Variants in SEPTIN11 observed in about 807,000 individuals in gnomAD.
The protein encoded by SEPTIN11 is septin-11.
SEPTIN11 carries 25 observed loss-of-function variants against 51.4 expected under a neutral mutation model. That is an observed-to-expected ratio of 0.49 (90% confidence interval 0.35 to 0.68). The LOEUF (loss-of-function observed/expected upper bound fraction) is 0.68, where lower values mean the gene tolerates loss of function less well. Among genes scored for constraint, SEPTIN11 ranks in the 30% least tolerant of loss-of-function variants. The probability of loss-of-function intolerance (pLI) is 0.00; values close to 1 mark genes in which losing one functional copy is unlikely to be tolerated. For synonymous variants in SEPTIN11, 174 were observed against 184.1 expected (o/e 0.95, Z 0.44); for missense variants, 381 against 520.8 (o/e 0.73, Z 2.61).
Position 77,035,021 on chromosome 4 carries a change from G to A in SEPTIN11, c.*509G>A, listed in dbSNP as rs1726937073. ...GGTAGATTTGTACGTAGACAGACTG[G>A]TGAGCAAGCATTATATTTTATTTTT... On this transcript the variant is annotated 3_prime_UTR_variant, in exon 10 of 10. Transcript: ENST00000264893. 2 of 985,776 alleles carry A rather than the reference G, an allele frequency of 2.0e-6. No homozygotes were observed. The highest frequency in any genetic ancestry group is 2.4e-6 in the Non-Finnish European group (2 of 830,086). The allele number at this position is 985,776 out of a possible 1,614,324, so 61.1% of individuals were successfully genotyped here.
rs1720689950 is a variant in SEPTIN11, at chr4:77,037,917, T to C, written c.*3405T>C. ...GACTCACCAGCAGTAACACACACAA[T>C]CCACATCTTGTGCACCTCAAATGAA... On this transcript the variant is annotated 3_prime_UTR_variant, in exon 10 of 10. Coordinates refer to ENST00000264893, the MANE Select transcript of SEPTIN11 (RefSeq NM_018243.4). 4 of 985,792 alleles carry C rather than the reference T, an allele frequency of 4.1e-6. No individual in the cohort carries two copies. The highest frequency in any genetic ancestry group is 4.8e-6 in the Non-Finnish European group (4 of 829,956). 61.1% of individuals were successfully genotyped at this position (985,792 alleles called of 1,614,324 possible). A position where few individuals can be genotyped will look rare whatever the true frequency, so the allele number is the denominator to read the frequency against.
chr4:77,011,672 T>C, intron 3 of SEPTIN11, 63 bp from the exon 4 acceptor site: 1 of 1,488,382 alleles, frequency 6.7e-7, no homozygotes, highest in Non-Finnish European at 9.3e-7. Flanking sequence ...ATTGTGATGT[T>C]GAATGGAGGA....
intron 1 of SEPTIN11, among the ~76,000 whole-genome samples, chr4:76,994,167 T>G (rs1406298636): frequency 6.6e-6 from 1 of 152,146 alleles, no homozygotes; most frequent in Non-Finnish European, 1.5e-5. Flanking sequence ...ACGGTTGAAG[T>G]CAGTGATGTA....
chr4:76,990,104 G>T (rs1383625127), intron 1 of SEPTIN11, among the ~76,000 whole-genome samples: 1 of 152,088 alleles, frequency 6.6e-6, no homozygotes, highest in East Asian at 1.9e-4. Context: ...TCCCTTATTT[G>T]TCCCTGCCAT....
At chr4:77,020,280 A>C (rs1045445306) in intron 6 of SEPTIN11, among the ~76,000 whole-genome samples, 1 of 152,204 alleles carries the variant, frequency 6.6e-6, no homozygotes, top group Non-Finnish European at 1.5e-5. Context: ...TGTGCTGAGT[A>C]GGCACTCAGC....
intron 7 of SEPTIN11, among the ~76,000 whole-genome samples, chr4:77,025,485 T>C (rs545118981): frequency 2.6e-5 from 4 of 151,620 alleles, no homozygotes; most frequent in Non-Finnish European, 5.9e-5. Context: ...TTCGAGCGTA[T>C]GGTGAGCTAT....
chr4:76,999,188 G>T (rs949457876), intron 2 of SEPTIN11, among the ~76,000 whole-genome samples: 1 of 152,144 alleles, frequency 6.6e-6, no homozygotes, highest in Non-Finnish European at 1.5e-5. Context: ...TGGGGCCAGC[G>T]TGAGCTCTTT....
rs1727111608 is a variant in SEPTIN11, at chr4:77,037,452, G to A, written c.*2940G>A. The A allele has an allele frequency of 2.0e-6, 2 of 985,312 alleles. No individual in the cohort carries two copies. The highest frequency in any genetic ancestry group is 4.7e-5 in the South Asian group (1 of 21,286). 61.0% of individuals were successfully genotyped at this position (985,312 alleles called of 1,614,324 possible). A position where few individuals can be genotyped will look rare whatever the true frequency, so the allele number is the denominator to read the frequency against. ...TCAGAGGGCCCTTGATTCTGGCAAGGCAAATAAAGCCAGAATGAGAAATTA... is the reference window on the plus strand; with the variant it reads ...TCAGAGGGCCCTTGATTCTGGCAAGACAAATAAAGCCAGAATGAGAAATTA... On this transcript the variant is annotated 3_prime_UTR_variant, in exon 10 of 10. Transcript: ENST00000264893.
At position 77,037,599 on chromosome 4, in the gene SEPTIN11, C is replaced by G. The variant is rs1317989858; in HGVS notation, c.*3087C>G. The G allele has an allele frequency of 1.0e-6, 1 of 985,188 alleles. No individual in the cohort carries two copies. The highest frequency in any genetic ancestry group is 1.1e-4 in the East Asian group (1 of 8,816). The allele number at this position is 985,188 out of a possible 1,614,324, so 61.0% of individuals were successfully genotyped here. The stretch of plus-strand genomic sequence containing the variant: ...GGTGCTAACTGCTGACAGTGGCCAC[C>G]TCTTTTTTGGGGATTGAGGGGCCTA... On this transcript the variant is annotated 3_prime_UTR_variant, in exon 10 of 10. Coordinates refer to ENST00000264893, the MANE Select transcript of SEPTIN11 (RefSeq NM_018243.4).
At chr4:77,009,560 T>C (rs979001488) in intron 3 of SEPTIN11, among the ~76,000 whole-genome samples, 2 of 152,150 alleles carry the variant, frequency 1.3e-5, no homozygotes, top group African/African-American at 4.8e-5. Context: ...AAGCCTGAGA[T>C]ATTAGAGAAC....
chr4:76,983,751 C>T (rs1296293823), intron 1 of SEPTIN11, among the ~76,000 whole-genome samples: 4 of 152,030 alleles, frequency 2.6e-5, no homozygotes, highest in African/African-American at 4.8e-5. Flanking sequence ...GGCTCATGCC[C>T]GTAATCCCAG....
intron 1 of SEPTIN11, among the ~76,000 whole-genome samples, chr4:76,990,728 C>A (rs1337501058): frequency 6.6e-6 from 1 of 152,204 alleles, no homozygotes; most frequent in African/African-American, 2.4e-5. Context: ...GGTGCCACAA[C>A]GGTTGGGGAC....
chr4:77,022,662 G>T (rs1327392478), intron 7 of SEPTIN11, among the ~76,000 whole-genome samples: 2 of 152,152 alleles, frequency 1.3e-5, no homozygotes, highest in Non-Finnish European at 2.9e-5. Context: ...TCATAACTTG[G>T]AGCCTGTGAA....
intron 1 of SEPTIN11, among the ~76,000 whole-genome samples, chr4:76,964,874 G>A (rs1721967137): frequency 6.6e-6 from 1 of 152,182 alleles, no homozygotes; most frequent in African/African-American, 2.4e-5. Context: ...AGAAAGCTGA[G>A]GATCATTTTA....
intron 1 of SEPTIN11, among the ~76,000 whole-genome samples, chr4:76,951,636 A>G (rs1721354164): frequency 6.6e-6 from 1 of 152,228 alleles, no homozygotes; most frequent in South Asian, 2.1e-4. Flanking sequence ...TAGGATTGCA[A>G]ATATTCAGTG....
chr4:76,996,652 C>T (rs1723737753), intron 2 of SEPTIN11, 113 bp downstream of exon 2: 4 of 810,504 alleles, frequency 4.9e-6, no homozygotes, highest in Non-Finnish European at 8.0e-6. Flanking sequence ...CTCTTTCTTT[C>T]ATCAGTAAAA....
chr4:77,024,166 A>C lies in SEPTIN11; in HGVS notation c.953+3496A>C, dbSNP rs1485633284. Among the ~76,000 whole-genome samples, 1 of 152,146 alleles carries C rather than the reference A, an allele frequency of 6.6e-6. No homozygotes were observed. Among genetic ancestry groups the C allele is most frequent in the Non-Finnish European group, 1.5e-5 (1 of 68,014 alleles). On this transcript the variant is annotated intron_variant, in intron 7 of 9. Coordinates refer to ENST00000264893, the MANE Select transcript of SEPTIN11 (RefSeq NM_018243.4). The surrounding 1 kb of genome is among the most constrained non-coding windows in gnomAD (Gnocchi z 4.2). ...AAAAGGAGGAGTAGCGCGCGCACAG[A>C]AACGCCGTATTCAAGCCTTGGCAGC...
intron 1 of SEPTIN11, among the ~76,000 whole-genome samples, chr4:76,977,919 G>T (rs1722577641): frequency 6.6e-6 from 1 of 152,186 alleles, no homozygotes; most frequent in South Asian, 2.1e-4. Context: ...AGGAGGAAGT[G>T]GTGGGAATAT....
chr4:77,036,902 G>T lies in SEPTIN11; in HGVS notation c.*2390G>T. ...TTTTCAAAATTAGAGAAAGCAAATG[G>T]GATGGATAGATTTTTTTTTTCTTTT... On this transcript the variant is annotated 3_prime_UTR_variant, in exon 10 of 10. Transcript: ENST00000264893. 7.3e-7 allele frequency: 1 copy of T among 1,365,066 alleles called. No individual in the cohort carries two copies. The highest frequency in any genetic ancestry group is 9.4e-7 in the Non-Finnish European group (1 of 1,064,494). The allele number at this position is 1,365,066 out of a possible 1,614,324, so 84.6% of individuals were successfully genotyped here.
Sources: gnomAD v4.1 joint callset for allele counts (sites outside exome capture counted in the v4.1 genomes callset) on GRCh38, gnomAD v4.1.1 for gene constraint, Gnocchi (gnomAD v3.1) non-coding constraint, MANE v1.5 for transcripts, NCBI Gene and HGNC (gene_info 2026-07-23, HGNC 2026-07-21) for gene names.